The following PLCXD3 variants were observed in gnomAD, a reference collection of about 807,000 sequenced individuals.
PLCXD3 encodes phosphatidylinositol specific phospholipase C X domain containing 3.
In PLCXD3, 19 loss-of-function variants were observed where a neutral mutation model predicts 25.5. That is an observed-to-expected ratio of 0.75 (90% CI 0.52 to 1.09). The LOEUF (loss-of-function observed/expected upper bound fraction) is 1.09. Among genes scored for constraint, PLCXD3 ranks in the 50% least tolerant of loss-of-function variants. The probability of loss-of-function intolerance (pLI) is 0.00; values close to 1 mark genes in which losing one functional copy is unlikely to be tolerated. For missense variants in PLCXD3, 411 were observed against 388.1 expected (o/e 1.06, Z -0.50); for synonymous variants, 174 against 137.6 (o/e 1.26, Z -1.85).
At chr5:41,498,459 A>G (rs1748887309) in intron 1 of PLCXD3, among the ~76,000 whole-genome samples, 1 of 151,756 alleles carries the variant, frequency 6.6e-6, no homozygotes, top group Non-Finnish European at 1.5e-5. Flanking sequence ...ACCTGTTGAG[A>G]CTGAATCATG....
At chr5:41,466,729 C>G (rs991339070) in intron 1 of PLCXD3, among the ~76,000 whole-genome samples, 3 of 152,040 alleles carry the variant, frequency 2.0e-5, no homozygotes, top group African/African-American at 7.2e-5. Context: ...CCCTCAGCCT[C>G]TGGTAATCAT....
Position 41,382,282 on chromosome 5 carries a change from G to A in PLCXD3, c.356C>T (p.Ala119Val), listed in dbSNP as rs764362403. The A allele has an allele frequency of 4.3e-6, 7 of 1,613,488 alleles. No homozygotes were observed. The highest frequency in any genetic ancestry group is 5.9e-6 in the Non-Finnish European group (7 of 1,179,736). The change falls in exon 2 of 3, where the codon GCC (alanine) becomes GTC (valine). Residue 119 changes from alanine (A) to valine (V), a missense_variant. Ala to Val is a moderately conservative substitution (Grantham distance 64). Coordinates refer to ENST00000377801, the MANE Select transcript of PLCXD3 (RefSeq NM_001005473.3). ...ELYFAHGLFS[A>V]KVNEGLEEIN... ...CTCCTCAAGGCCTTCATTGACTTTG[G>A]CACTGAACAAACCATGAGCAAAATA...
intron 1 of PLCXD3, among the ~76,000 whole-genome samples, chr5:41,488,176 T>A (rs80115642): frequency 6.6e-6 from 1 of 150,910 alleles, no homozygotes; most frequent in Non-Finnish European, 1.5e-5. Context: ...TATGCGGTGT[T>A]TGTTTGGTTT....
intron 1 of PLCXD3, among the ~76,000 whole-genome samples, chr5:41,400,747 A>G (rs984000543): frequency 1.3e-5 from 2 of 152,094 alleles, no homozygotes; most frequent in Admixed American, 1.3e-4. Flanking sequence ...CAAAAAAACT[A>G]GTTAAAGAAT....
intron 1 of PLCXD3, among the ~76,000 whole-genome samples, chr5:41,400,336 G>A (rs937328641): frequency 6.6e-6 from 1 of 151,912 alleles, no homozygotes; most frequent in Non-Finnish European, 1.5e-5. Flanking sequence ...CCCACTGCTG[G>A]GTATATACCC....
At chr5:41,408,907 T>C (rs1191033642) in intron 1 of PLCXD3, among the ~76,000 whole-genome samples, 1 of 152,166 alleles carries the variant, frequency 6.6e-6, no homozygotes, top group Non-Finnish European at 1.5e-5. Context: ...AAAGTGTCCA[T>C]AACAGAGATG....
chr5:41,421,502 C>A (rs938594842), intron 1 of PLCXD3, among the ~76,000 whole-genome samples: 3 of 151,834 alleles, frequency 2.0e-5, no homozygotes, highest in African/African-American at 7.3e-5. Flanking sequence ...GATATTGAGA[C>A]CATCCTGGCT....
chr5:41,426,468 C>G (rs1328610632), intron 1 of PLCXD3, among the ~76,000 whole-genome samples: 1 of 151,846 alleles, frequency 6.6e-6, no homozygotes, highest in African/African-American at 2.4e-5. Flanking sequence ...TTTTTTACTT[C>G]TAGTGGCTTG....
chr5:41,459,055 C>G (rs1002356561), intron 1 of PLCXD3, among the ~76,000 whole-genome samples: 4 of 151,618 alleles, frequency 2.6e-5, no homozygotes, highest in African/African-American at 9.7e-5. Flanking sequence ...GTCTGTTTTT[C>G]TAAGAAAAAT....
chr5:41,428,455 A>C lies in PLCXD3; in HGVS notation c.104-45921T>G, dbSNP rs371690519. ...TATAAGAAGAGGAAATTTGGACACA[A>C]AAAGAGACACCAGGGGCGTATGTAC... is the stretch of plus-strand genomic sequence containing the variant. On this transcript the variant is annotated intron_variant, in intron 1 of 2. Transcript: ENST00000377801. Among the ~76,000 whole-genome samples the C allele has an allele frequency of 5.9e-5, 9 of 151,386 alleles. No homozygotes were observed. The East Asian group carries it at 1.6e-3, about 26-fold the overall frequency.
intron 1 of PLCXD3, among the ~76,000 whole-genome samples, chr5:41,433,703 T>C (rs1322690422): frequency 6.6e-6 from 1 of 152,214 alleles, no homozygotes; most frequent in Non-Finnish European, 1.5e-5. Context: ...ATTCTAAGAA[T>C]GATTAAAGTG....
At chr5:41,384,945 T>C (rs972922379) in intron 1 of PLCXD3, among the ~76,000 whole-genome samples, 4 of 152,076 alleles carry the variant, frequency 2.6e-5, no homozygotes, top group African/African-American at 9.7e-5. Context: ...ACTGTAAATA[T>C]TATTAGACAA....
intron 1 of PLCXD3, among the ~76,000 whole-genome samples, chr5:41,473,477 T>C (rs1748214122): frequency 6.6e-6 from 1 of 151,752 alleles, no homozygotes; most frequent in South Asian, 2.1e-4. Flanking sequence ...ATAATTATTA[T>C]TATTTTTTGA....
chr5:41,485,016 G>A (rs912738555), intron 1 of PLCXD3, among the ~76,000 whole-genome samples: 2 of 152,132 alleles, frequency 1.3e-5, no homozygotes, highest in African/African-American at 4.8e-5. Flanking sequence ...GGATAGGTGA[G>A]ATTTTATTTA....
chr5:41,335,191 G>A (rs1300713784), intron 2 of PLCXD3, among the ~76,000 whole-genome samples: 3 of 152,148 alleles, frequency 2.0e-5, no homozygotes, highest in African/African-American at 2.4e-5. Flanking sequence ...AGTTTCTATC[G>A]CTAGCACTGT....
intron 1 of PLCXD3, among the ~76,000 whole-genome samples, chr5:41,405,309 T>C (rs1212730105): frequency 3.3e-5 from 5 of 152,106 alleles, no homozygotes; most frequent in African/African-American, 1.2e-4. Flanking sequence ...CCTTTTGTCT[T>C]GCCATATGAA....
At chr5:41,430,914 A>G (rs1747083618) in intron 1 of PLCXD3, among the ~76,000 whole-genome samples, 1 of 152,226 alleles carries the variant, frequency 6.6e-6, no homozygotes, top group South Asian at 2.1e-4. Flanking sequence ...AAATGTTTCC[A>G]TCTGCTGCTT....
intron 2 of PLCXD3, among the ~76,000 whole-genome samples, chr5:41,369,110 T>C (rs1745019747): frequency 6.6e-6 from 1 of 152,204 alleles, no homozygotes; most frequent in Admixed American, 6.5e-5. Flanking sequence ...GAATTCTCCT[T>C]ATGTCATGGA....
rs372433462 is a variant in PLCXD3 at position 41,381,729 on chromosome 5, A to G, written c.812+97T>C. The G allele has an allele frequency of 2.9e-5, 33 of 1,147,054 alleles. No individual in the cohort carries two copies. The East Asian group carries it at 5.8e-4, about 20-fold the overall frequency. 71.1% of individuals were successfully genotyped at this position (1,147,054 alleles called of 1,614,324 possible). ...TTGCTATTGCAGCCCCAGGGACCTA[A>G]TATACATAGGTATAATTTCAGCTTC... On this transcript the variant is annotated intron_variant, in intron 2 of 2. Coordinates refer to ENST00000377801, the MANE Select transcript of PLCXD3 (RefSeq NM_001005473.3).
Sources: allele counts gnomAD v4.1 joint callset (sites outside exome capture counted in the v4.1 genomes callset), GRCh38; gene constraint gnomAD v4.1.1; transcripts MANE v1.5; gene names NCBI Gene and HGNC (gene_info 2026-07-23, HGNC 2026-07-21).